RAP1GAP2: variants seen among roughly 807,000 people sequenced by gnomAD.
RAP1GAP2 encodes RAP1 GTPase activating protein 2.
A neutral mutation model predicts 95.0 loss-of-function variants in RAP1GAP2; 27 were observed. The observed-to-expected ratio is 0.28, with a 90% CI of 0.21 to 0.39. The LOEUF is 0.39. Among genes scored for constraint, RAP1GAP2 ranks in the 10% least tolerant of loss-of-function variants. The probability of loss-of-function intolerance (pLI) is 1.00; values close to 1 mark genes in which losing one functional copy is unlikely to be tolerated. For synonymous variants in RAP1GAP2, 373 were observed against 380.9 expected (o/e 0.98, Z 0.24); for missense variants, 771 against 970.0 (o/e 0.79, Z 2.72).
At chr17:2,798,876 G>C (rs951166874) in intron 1 of RAP1GAP2, among the ~76,000 whole-genome samples, 3 of 152,176 alleles carry the variant, frequency 2.0e-5, no homozygotes, top group African/African-American at 7.2e-5. Flanking sequence ...GTGGTGCGGT[G>C]GGCGGGGCTG....
intron 3 of RAP1GAP2, among the ~76,000 whole-genome samples, chr17:2,931,037 G>A (rs1474348683): frequency 6.7e-6 from 1 of 149,270 alleles, no homozygotes; most frequent in Non-Finnish European, 1.5e-5. Flanking sequence ...CAGGAGAATC[G>A]CTTGAACCTG....
At chr17:2,883,495 C>T (rs542656897) in intron 2 of RAP1GAP2, among the ~76,000 whole-genome samples, 70 of 152,294 alleles carry the variant, frequency 4.6e-4, no homozygotes, top group African/African-American at 1.3e-3. Flanking sequence ...GAGAGGGAAG[C>T]GCCTTCGATC....
chr17:2,847,461 C>T (rs1597428889), intron 2 of RAP1GAP2, among the ~76,000 whole-genome samples: 2 of 152,240 alleles, frequency 1.3e-5, no homozygotes, highest in South Asian at 4.1e-4. Flanking sequence ...AGTTGTAATT[C>T]GTCATCTCCC....
chr17:2,886,171 A>ATATATATATATAT (rs1172583026), intron 2 of RAP1GAP2, among the ~76,000 whole-genome samples: 2 of 123,352 alleles, frequency 1.6e-5, no homozygotes, highest in African/African-American at 6.4e-5. Flanking sequence ...GTATATATAT[A>ATATATATATATAT]TTTTTTTTTT....
At chr17:2,800,307 C>A in intron 1 of RAP1GAP2, 1 of 870,298 alleles carries the variant, frequency 1.1e-6, no homozygotes, top group Non-Finnish European at 1.4e-6. Flanking sequence ...TAATAATACG[C>A]ATGTTGTAGG....
chr17:2,918,448 A>AAG (rs2042640783), intron 3 of RAP1GAP2, among the ~76,000 whole-genome samples: 1 of 150,316 alleles, frequency 6.7e-6, no homozygotes, highest in Admixed American at 6.6e-5. Flanking sequence ...AAAAAAAAAA[A>AAG]AAAAAGAAAG....
intron 2 of RAP1GAP2, among the ~76,000 whole-genome samples, chr17:2,816,167 C>A (rs960710907): frequency 6.6e-6 from 1 of 151,624 alleles, no homozygotes; most frequent in African/African-American, 2.4e-5. Context: ...GAGCCGGCTC[C>A]GGGGGCATCC....
intron 2 of RAP1GAP2, among the ~76,000 whole-genome samples, chr17:2,823,532 G>A (rs1000338596): frequency 9.2e-5 from 14 of 152,146 alleles, no homozygotes; most frequent in South Asian, 2.1e-4. Context: ...ATACACTATC[G>A]TCTCTGCAGT....
rs959201834 is a variant in RAP1GAP2, at chr17:3,035,191, G to A, written c.*1830G>A. The A allele has an allele frequency of 6.6e-6, 1 of 152,516 alleles. No homozygotes were observed. The highest frequency in any genetic ancestry group is 1.5e-5 in the Non-Finnish European group (1 of 68,022). The allele number at this position is 152,516 out of a possible 1,614,324, so 9.4% of individuals were successfully genotyped here. A position where few individuals can be genotyped will look rare whatever the true frequency, so the allele number is the denominator to read the frequency against. On this transcript the variant is annotated 3_prime_UTR_variant, in exon 25 of 25. Coordinates refer to ENST00000254695, the MANE Select transcript of RAP1GAP2 (RefSeq NM_015085.5). This position sits in a 1 kb window ranked among gnomAD's most constrained non-coding sequence, Gnocchi z 4.3. ...AGAAGGTCAACAAAATATCTGTTTA[G>A]CTTTTATGAAGAGTCACCGTAGCAG... is the stretch of plus-strand genomic sequence containing the variant.
chr17:2,938,296 A>G (rs773708532), intron 3 of RAP1GAP2, among the ~76,000 whole-genome samples: 1 of 152,078 alleles, frequency 6.6e-6, no homozygotes, highest in Non-Finnish European at 1.5e-5. Flanking sequence ...TCTGCCCCAC[A>G]CTAGGTCTGG....
chr17:2,929,343 G>A (rs1376345995), intron 3 of RAP1GAP2, among the ~76,000 whole-genome samples: 2 of 152,004 alleles, frequency 1.3e-5, no homozygotes, highest in African/African-American at 2.4e-5. Flanking sequence ...GTGTGCACCC[G>A]GCACAGGCGA....
intron 3 of RAP1GAP2, among the ~76,000 whole-genome samples, chr17:2,919,517 C>T (rs758154195): frequency 3.3e-5 from 5 of 151,638 alleles, no homozygotes; most frequent in African/African-American, 7.3e-5. Context: ...GTCTGTATTT[C>T]GGGGACAGAT....
In RAP1GAP2 at chr17:3,008,062, C is replaced by G. The variant is rs761276794; in HGVS notation, c.1411C>G (p.His471Asp). ...LDNLHDELHA[H>D]TQAMLGLGPE... ...CAACCTTCACGATGAGCTCCACGCC[C>G]ACACACAGGCCATGCTGGGACTGGG... Residue 471 changes from histidine to aspartate, a missense_variant, in exon 17 of 25, where the codon CAC becomes GAC. Physicochemically the swap from His to Asp is moderately conservative, Grantham distance 81. Coordinates refer to ENST00000254695, the MANE Select transcript of RAP1GAP2 (RefSeq NM_015085.5). This position sits in a 1 kb window ranked among gnomAD's most constrained non-coding sequence, Gnocchi z 4.2. The G allele has an allele frequency of 6.2e-7, 1 of 1,613,854 alleles. No individual in the cohort carries two copies. Among genetic ancestry groups the G allele is most frequent in the Non-Finnish European group, 8.5e-7 (1 of 1,179,886 alleles).
chr17:2,944,757 T>C (rs2043643197), intron 3 of RAP1GAP2, among the ~76,000 whole-genome samples: 1 of 152,226 alleles, frequency 6.6e-6, no homozygotes, highest in Non-Finnish European at 1.5e-5. Flanking sequence ...CTCCAATCCA[T>C]GAACATGGAA....
intron 3 of RAP1GAP2, among the ~76,000 whole-genome samples, chr17:2,949,109 C>G (rs2043819311): frequency 1.3e-5 from 2 of 152,162 alleles, no homozygotes; most frequent in South Asian, 4.1e-4. Flanking sequence ...AGGGGTGGAA[C>G]TTGGGGCCCA....
chr17:2,774,524 C>T (rs1245855961), upstream of RAP1GAP2, among the ~76,000 whole-genome samples: 2 of 144,808 alleles, frequency 1.4e-5, no homozygotes, highest in Non-Finnish European at 3.0e-5. Context: ...CTCTGTCACC[C>T]AGGCTGGAGT....
chr17:2,862,996 C>CAAAAAAA (rs1164520490), intron 2 of RAP1GAP2, among the ~76,000 whole-genome samples: 3 of 49,012 alleles, frequency 6.1e-5, no homozygotes, highest in African/African-American at 8.4e-5. Context: ...GACTCTGTCT[C>CAAAAAAA]AAAAAAAAAA....
chr17:3,018,445 G>A (rs981626026), intron 18 of RAP1GAP2, among the ~76,000 whole-genome samples: 3 of 152,160 alleles, frequency 2.0e-5, no homozygotes, highest in African/African-American at 4.8e-5. Flanking sequence ...CTCCTGTCCT[G>A]TTCTCTTGAG....
chr17:2,921,200 C>CT (rs1051708304), intron 3 of RAP1GAP2, among the ~76,000 whole-genome samples: 42 of 146,046 alleles, frequency 2.9e-4, no homozygotes, highest in African/African-American at 7.7e-4. Context: ...AATTTCTTAT[C>CT]TTTTTTTTTT....
Sources: allele counts gnomAD v4.1 joint callset (sites outside exome capture counted in the v4.1 genomes callset), GRCh38; gene constraint gnomAD v4.1.1; non-coding constraint Gnocchi (gnomAD v3.1); transcripts MANE v1.5; gene names NCBI Gene and HGNC (gene_info 2026-07-23, HGNC 2026-07-21).